The following CPA5 variants were observed in gnomAD, a reference collection of about 807,000 sequenced individuals.
The protein encoded by CPA5 is carboxypeptidase A5, also known as testicular tissue protein Li 32.
CPA5 carries 38 observed loss-of-function variants against 52.2 expected under a neutral mutation model. That is an observed-to-expected ratio of 0.73 (90% confidence interval 0.56 to 0.95). The LOEUF (loss-of-function observed/expected upper bound fraction) is 0.95, where lower values mean the gene tolerates loss of function less well. Ranked by LOEUF, CPA5 falls within the 40% of genes least tolerant of loss-of-function variation. The pLI, the probability that CPA5 is intolerant of heterozygous loss-of-function variation, is 0.00. For missense variants in CPA5, 519 were observed against 566.7 expected (o/e 0.92, Z 0.86); for synonymous variants, 198 against 213.7 (o/e 0.93, Z 0.64).
At chr7:130,365,445 AG>A (rs1276632107) in intron 10 of CPA5, among the ~76,000 whole-genome samples, 1 of 152,256 alleles carries the variant, frequency 6.6e-6, no homozygotes, top group African/African-American at 2.4e-5. Context: ...AAAAGCCCAG[AG>A]GGGGCAAAAA....
intron 4 of CPA5, among the ~76,000 whole-genome samples, chr7:130,348,444 G>A (rs963000866): frequency 1.3e-5 from 2 of 152,146 alleles, no homozygotes; most frequent in Non-Finnish European, 2.9e-5. Context: ...GTGTCCCGTC[G>A]ACTGGGACTC....
chr7:130,347,126 A>G (rs1454191941), intron 3 of CPA5, among the ~76,000 whole-genome samples: 2 of 152,210 alleles, frequency 1.3e-5, no homozygotes, highest in Non-Finnish European at 2.9e-5. Context: ...CAGCGAGCGT[A>G]GAGATGGGGT....
Position 130,346,403 on chromosome 7 carries a change from C to A in CPA5, c.-83C>A. 1 of 1,020,168 alleles carries A rather than the reference C, an allele frequency of 9.8e-7. No individual in the cohort carries two copies. Among genetic ancestry groups the A allele is most frequent in the Non-Finnish European group, 1.4e-6 (1 of 692,666 alleles). 63.2% of individuals were successfully genotyped at this position (1,020,168 alleles called of 1,614,324 possible). A position where few individuals can be genotyped will look rare whatever the true frequency, so the allele number is the denominator to read the frequency against. ...AATGCTCTTTCTCAGGCTGGGCTTT[C>A]CAGCCTCTAGGTGCTGTGCTGTCCT... On this transcript the variant is annotated 5_prime_UTR_variant, in exon 3 of 13. Transcript: ENST00000474905.
chr7:130,345,770 G>A (rs2117263360), intron 1 of CPA5, 69 bp from the exon 2 acceptor site: 1 of 152,342 alleles, frequency 6.6e-6, no homozygotes, highest in South Asian at 2.1e-4. Context: ...GCCACTGGAG[G>A]ACTGATCTCA....
chr7:130,356,246 G>A (rs1178324200), intron 5 of CPA5, among the ~76,000 whole-genome samples: 1 of 152,162 alleles, frequency 6.6e-6, no homozygotes, highest in Non-Finnish European at 1.5e-5. Context: ...CTCCTCCCCT[G>A]CCCAACCCGG....
At position 130,368,590 on chromosome 7, in the gene CPA5, C is replaced by A; in HGVS notation, c.1304C>A (p.Pro435His). ...RTIMEHTLNH[P>H]Y Reference sequence around the variant, plus strand: ...ATCATGGAGCACACCCTGAATCACCCCTACTAGCAGCACGACTGAGGGCAG... The same window carrying A: ...ATCATGGAGCACACCCTGAATCACCACTACTAGCAGCACGACTGAGGGCAG... Residue 435 changes from proline to histidine, a missense_variant, in exon 13 of 13, where the codon CCC becomes CAC. Physicochemically the swap from Pro to His is moderately conservative, Grantham distance 77. Coordinates refer to ENST00000474905, the MANE Select transcript of CPA5 (RefSeq NM_080385.5). 1.9e-6 allele frequency: 3 copies of A among 1,614,004 alleles called. No individual in the cohort carries two copies. Among genetic ancestry groups the A allele is most frequent in the Non-Finnish European group, 2.5e-6 (3 of 1,179,992 alleles).
intron 9 of CPA5, 50 bp from the exon 10 acceptor site, chr7:130,363,369 C>T (rs1554407326): frequency 1.4e-6 from 2 of 1,463,998 alleles, no homozygotes; most frequent in African/African-American, 2.8e-5. Flanking sequence ...AGGCTCCCAT[C>T]CCTGGGAATG....
chr7:130,365,263 AG>A (rs1796016083), intron 10 of CPA5, among the ~76,000 whole-genome samples: 1 of 152,156 alleles, frequency 6.6e-6, no homozygotes, highest in Non-Finnish European at 1.5e-5. Flanking sequence ...CGCTTGCCTC[AG>A]GGGGGGCATC....
intron 5 of CPA5, among the ~76,000 whole-genome samples, chr7:130,350,863 G>C (rs1795093150): frequency 6.6e-6 from 1 of 152,248 alleles, no homozygotes; most frequent in Admixed American, 6.5e-5. Flanking sequence ...CCTTCCTAGA[G>C]ATCTTTGTGG....
At chr7:130,361,032 AC>A in intron 6 of CPA5, 110 bp from the exon 7 acceptor site, 1 of 709,142 alleles carries the variant, frequency 1.4e-6, no homozygotes. Flanking sequence ...GGGTCTAAAT[AC>A]CCAAAGCATT....
At position 130,368,611 on chromosome 7, in the gene CPA5, G is replaced by A. The variant is rs782589018; in HGVS notation, c.*14G>A. 2.9e-5 allele frequency: 47 copies of A among 1,613,248 alleles called. No individual in the cohort carries two copies. The highest frequency in any genetic ancestry group is 3.6e-5 in the Non-Finnish European group (42 of 1,179,784). On this transcript the variant is annotated 3_prime_UTR_variant, in exon 13 of 13. Coordinates refer to ENST00000474905, the MANE Select transcript of CPA5 (RefSeq NM_080385.5). Reference sequence around the variant, plus strand: ...CACCCCTACTAGCAGCACGACTGAGGGCAGGAGGCTCCATCCTTCTCCCCA... The same window carrying A: ...CACCCCTACTAGCAGCACGACTGAGAGCAGGAGGCTCCATCCTTCTCCCCA...
rs782093643 is a variant in CPA5, at chr7:130,346,460, C to T, written c.-26C>T. The T allele has an allele frequency of 6.4e-7, 1 of 1,569,174 alleles. No homozygotes were observed. Reference sequence around the variant, plus strand: ...TGGGCCATGGTGCCCAAGGAAAGCCCCTGAAGCTCACCAGGAGGAAGAAGC... The same window carrying T: ...TGGGCCATGGTGCCCAAGGAAAGCCTCTGAAGCTCACCAGGAGGAAGAAGC... On this transcript the variant is annotated 5_prime_UTR_variant, in exon 3 of 13. Transcript: ENST00000474905.
chr7:130,366,388 C>A (rs1554408404), intron 10 of CPA5, among the ~76,000 whole-genome samples: 1 of 152,174 alleles, frequency 6.6e-6, no homozygotes, highest in African/African-American at 2.4e-5. Flanking sequence ...CCTTAGCCTA[C>A]AAAGTCTTGA....
downstream of CPA5, among the ~76,000 whole-genome samples, chr7:130,369,011 G>A (rs1796252887): frequency 6.6e-6 from 1 of 152,166 alleles, no homozygotes; most frequent in South Asian, 2.1e-4. Flanking sequence ...TTCTGATGGG[G>A]GCATTTCTGC....
At chr7:130,366,168 T>G (rs1281095045) in intron 10 of CPA5, among the ~76,000 whole-genome samples, 1 of 152,196 alleles carries the variant, frequency 6.6e-6, no homozygotes, top group Non-Finnish European at 1.5e-5. Flanking sequence ...TGGCCTCCTG[T>G]GCATTCTTGG....
chr7:130,350,090 T>C lies in CPA5; in HGVS notation c.314T>C (p.Ile105Thr). Residue 105 changes from isoleucine (I) to threonine (T), a missense_variant, in exon 5 of 13, where the codon ATC (isoleucine) becomes ACC (threonine). Physicochemically the swap from Ile to Thr is moderately conservative, Grantham distance 89 (BLOSUM62 -1). Coordinates refer to ENST00000474905, the MANE Select transcript of CPA5 (RefSeq NM_080385.5). Reference sequence around the variant, plus strand: ...GAGTCTCATGGACTTGCTTACAGCATCATGATAAAGGACATCCAGGTGAAG... The same window carrying C: ...GAGTCTCATGGACTTGCTTACAGCACCATGATAAAGGACATCCAGGTGAAG... ...YLESHGLAYS[I>T]MIKDIQVLLD... The C allele has an allele frequency of 6.2e-7, 1 of 1,613,222 alleles. No individual in the cohort carries two copies. The highest frequency in any genetic ancestry group is 8.5e-7 in the Non-Finnish European group (1 of 1,179,736).
At chr7:130,373,023 A>AG (rs1457339324), downstream of CPA5, among the ~76,000 whole-genome samples, 3 of 152,126 alleles carry the variant, frequency 2.0e-5, no homozygotes, top group Admixed American at 2.0e-4. Flanking sequence ...GACTAAGGCC[A>AG]GGGGGGTGCT....
intron 5 of CPA5, among the ~76,000 whole-genome samples, chr7:130,357,952 CTGTGTGTGTGTGTGTGTG>C (rs60840017): frequency 3.6e-5 from 5 of 139,930 alleles, no homozygotes; most frequent in African/African-American, 8.0e-5. Context: ...TTTTGTGCCT[CTGTGTGTGTGTGTGTGTG>C]TGTGTGTGTG....
downstream of CPA5, among the ~76,000 whole-genome samples, chr7:130,371,452 G>A (rs531444482): frequency 8.5e-5 from 13 of 152,276 alleles, no homozygotes; most frequent in South Asian, 2.1e-3. Flanking sequence ...CCCAACTCAC[G>A]GCCAAGGCTC....
Sources: allele counts gnomAD v4.1 joint callset (sites outside exome capture counted in the v4.1 genomes callset), GRCh38; gene constraint gnomAD v4.1.1; transcripts MANE v1.5; gene names NCBI Gene and HGNC (gene_info 2026-07-23, HGNC 2026-07-21).